The following ALCAM variants were observed in gnomAD, a reference collection of about 807,000 sequenced individuals.
ALCAM encodes the protein CD166 antigen.
A neutral mutation model predicts 70.9 loss-of-function variants in ALCAM; 30 were observed. That is an observed-to-expected ratio of 0.42 (90% confidence interval 0.32 to 0.57). The LOEUF is 0.57. ALCAM is among the 20% of genes least tolerant of loss of function. The probability of loss-of-function intolerance (pLI) is 0.11; values close to 1 mark genes in which losing one functional copy is unlikely to be tolerated. For missense variants in ALCAM, 591 were observed against 695.1 expected, an observed-to-expected ratio of 0.85 and a Z score of 1.68; for synonymous variants, 249 against 242.5, an observed-to-expected ratio of 1.03 and a Z score of -0.25.
chr3:105,513,671 T>G (rs1271871966), intron 1 of ALCAM, among the ~76,000 whole-genome samples: 1 of 152,082 alleles, frequency 6.6e-6, no homozygotes, highest in South Asian at 2.1e-4. Context: ...AAAAATAAGG[T>G]TTCACAACTT....
chr3:105,419,516 G>A (rs999660750), intron 1 of ALCAM, among the ~76,000 whole-genome samples: 2 of 151,750 alleles, frequency 1.3e-5, no homozygotes, highest in South Asian at 2.1e-4. Context: ...GAGGTGATAC[G>A]CCAAACTGCA....
At chr3:105,435,777 G>GT (rs371742846) in intron 1 of ALCAM, among the ~76,000 whole-genome samples, 125 of 151,422 alleles carry the variant, frequency 8.3e-4, no homozygotes, top group African/African-American at 2.7e-3. Context: ...AGAAAAAGAG[G>GT]TTTTTTTTTG....
At chr3:105,562,808 A>AT (rs144802162) in intron 14 of ALCAM, among the ~76,000 whole-genome samples, 5 of 151,834 alleles carry the variant, frequency 3.3e-5, no homozygotes, top group Admixed American at 6.6e-5. Context: ...TAATTAATTC[A>AT]TTTTTTTTCT....
At chr3:105,457,644 G>A (rs780826971) in intron 1 of ALCAM, among the ~76,000 whole-genome samples, 83 of 152,082 alleles carry the variant, frequency 5.5e-4, no homozygotes, top group Non-Finnish European at 1.3e-4. Context: ...AGCTGGGGAC[G>A]ATATTAGTAC....
intron 8 of ALCAM, among the ~76,000 whole-genome samples, chr3:105,542,694 A>C (rs907233256): frequency 6.6e-6 from 1 of 151,874 alleles, no homozygotes; most frequent in Non-Finnish European, 1.5e-5. Flanking sequence ...CATTTGACTC[A>C]TAATACTTTA....
At chr3:105,461,037 G>T (rs1937596501) in intron 1 of ALCAM, among the ~76,000 whole-genome samples, 1 of 151,368 alleles carries the variant, frequency 6.6e-6, no homozygotes, top group Non-Finnish European at 1.5e-5. Flanking sequence ...CATGTGTGTG[G>T]TGTGCGTTGG....
At chr3:105,488,684 GGAAGGAAAGGAAA>G (rs1444859012) in intron 1 of ALCAM, among the ~76,000 whole-genome samples, 3 of 148,612 alleles carry the variant, frequency 2.0e-5, no homozygotes, top group Non-Finnish European at 3.0e-5. Context: ...GAAGGGAAGG[GGAAGGAAAGGAAA>G]GAAGGGAAGG....
intron 1 of ALCAM, among the ~76,000 whole-genome samples, chr3:105,458,729 G>C (rs955705921): frequency 7.9e-5 from 12 of 152,108 alleles, no homozygotes; most frequent in African/African-American, 2.7e-4. Flanking sequence ...TCTGCCTTGA[G>C]AGCTCTTCTA....
intron 1 of ALCAM, among the ~76,000 whole-genome samples, chr3:105,437,317 A>G (rs1237007888): frequency 2.0e-5 from 3 of 152,220 alleles, no homozygotes; most frequent in Non-Finnish European, 4.4e-5. Flanking sequence ...ATATTTTTAA[A>G]CCGATATCAT....
chr3:105,490,794 G>C (rs1018791885), intron 1 of ALCAM, among the ~76,000 whole-genome samples: 2 of 152,174 alleles, frequency 1.3e-5, no homozygotes, highest in Non-Finnish European at 2.9e-5. Context: ...GCTTTGCAGG[G>C]TATGGCCCCC....
At position 105,513,700 on chromosome 3, in the gene ALCAM, T is replaced by C. The variant is rs186372839; in HGVS notation, c.74-6367T>C. ...ACAACTTCAGTCAATTCTGTTGCTTTTTGATCATTTCTAAATAAGATTTTT... is the reference window on the plus strand; with the variant it reads ...ACAACTTCAGTCAATTCTGTTGCTTCTTGATCATTTCTAAATAAGATTTTT... On this transcript the variant is annotated intron_variant, in intron 1 of 15. Coordinates refer to ENST00000306107, the MANE Select transcript of ALCAM (RefSeq NM_001627.4). Among the ~76,000 whole-genome samples the C allele has an allele frequency of 2.4e-4, 37 of 152,136 alleles. 1 individual carries two copies. The highest frequency in any genetic ancestry group is 2.2e-3 in the Admixed American group (34 of 15,252).
intron 11 of ALCAM, among the ~76,000 whole-genome samples, chr3:105,548,555 G>C (rs371389441): frequency 2.0e-5 from 3 of 151,544 alleles, no homozygotes; most frequent in East Asian, 3.9e-4. Flanking sequence ...ACGCCATGCA[G>C]TTTTGCAGTG....
intron 1 of ALCAM, among the ~76,000 whole-genome samples, chr3:105,432,197 G>T (rs1936951877): frequency 6.6e-6 from 1 of 152,018 alleles, no homozygotes. Context: ...TATACAACTT[G>T]CAAATTTTTC....
chr3:105,480,370 T>G (rs1938237861), intron 1 of ALCAM, among the ~76,000 whole-genome samples: 1 of 151,764 alleles, frequency 6.6e-6, no homozygotes, highest in African/African-American at 2.4e-5. Context: ...AATAAATAAA[T>G]AAATAAATAA....
chr3:105,377,163 C>T (rs1159276450), intron 1 of ALCAM, among the ~76,000 whole-genome samples: 1 of 152,078 alleles, frequency 6.6e-6, no homozygotes, highest in East Asian at 1.9e-4. Flanking sequence ...CTCATAGCAG[C>T]ACCTATAGCT....
intron 1 of ALCAM, among the ~76,000 whole-genome samples, chr3:105,496,830 GTGTGTGTGT>G (rs1559811292): frequency 3.4e-5 from 5 of 149,198 alleles, no homozygotes; most frequent in Non-Finnish European, 7.4e-5. Context: ...CAATTGAGGT[GTGTGTGTGT>G]GTGTGTGTGT....
At chr3:105,551,535 A>G (rs1180672673) in intron 12 of ALCAM, among the ~76,000 whole-genome samples, 3 of 151,820 alleles carry the variant, frequency 2.0e-5, no homozygotes, top group South Asian at 4.1e-4. Context: ...GTTTATTTAT[A>G]GAGTTTAATA....
intron 1 of ALCAM, among the ~76,000 whole-genome samples, chr3:105,483,688 G>T (rs1938339994): frequency 6.6e-6 from 1 of 152,084 alleles, no homozygotes; most frequent in Non-Finnish European, 1.5e-5. Context: ...AAAGGATGTG[G>T]TTGGTATAAT....
chr3:105,376,676 A>G (rs923042294), intron 1 of ALCAM, among the ~76,000 whole-genome samples: 4 of 152,234 alleles, frequency 2.6e-5, no homozygotes, highest in African/African-American at 9.6e-5. Flanking sequence ...CACAAGAACA[A>G]TGAACAGCAT....
Sources: allele counts gnomAD v4.1 joint callset (sites outside exome capture counted in the v4.1 genomes callset), GRCh38; gene constraint gnomAD v4.1.1; transcripts MANE v1.5; gene names NCBI Gene and HGNC (gene_info 2026-07-23, HGNC 2026-07-21).